The following CSMD1 variants were observed in gnomAD, a reference collection of about 807,000 sequenced individuals.
CSMD1 encodes the protein CUB and Sushi multiple domains 1.
CSMD1 carries 213 observed loss-of-function variants against 417.5 expected under a neutral mutation model. That is an observed-to-expected ratio of 0.51 (90% CI 0.46 to 0.57). CSMD1 has a LOEUF of 0.57. Ranked by LOEUF, CSMD1 falls within the 20% of genes least tolerant of loss-of-function variation. CSMD1 has a pLI of 0.00. For missense variants in CSMD1, 6,923 were observed against 4,529.7 expected, an observed-to-expected ratio of 1.53 and a Z score of -15.17; for synonymous variants, 2,862 against 1,736.8, an observed-to-expected ratio of 1.65 and a Z score of -16.11.
intron 1 of CSMD1, among the ~76,000 whole-genome samples, chr8:4,929,572 G>C (rs578233671): frequency 1.3e-5 from 2 of 152,176 alleles, no homozygotes; most frequent in Non-Finnish European, 2.9e-5. Flanking sequence ...AAAAAAGCTA[G>C]TCTCAAGGTG....
intron 3 of CSMD1, among the ~76,000 whole-genome samples, chr8:4,200,581 G>C (rs917696675): frequency 6.6e-6 from 1 of 152,118 alleles, no homozygotes; most frequent in Non-Finnish European, 1.5e-5. Context: ...ATCTTGGCGG[G>C]CCTGGAGGCT....
chr8:3,074,196 T>G (rs1463619142), intron 49 of CSMD1, among the ~76,000 whole-genome samples: 2 of 152,198 alleles, frequency 1.3e-5, no homozygotes, highest in African/African-American at 4.8e-5. Flanking sequence ...TCTGTGTCTT[T>G]CTTCATCTTC....
chr8:3,458,565 A>C (rs1816300693), intron 12 of CSMD1, among the ~76,000 whole-genome samples: 1 of 152,216 alleles, frequency 6.6e-6, no homozygotes, highest in Non-Finnish European at 1.5e-5. Context: ...TGTTTGTTTT[A>C]ATATCGTTTC....
chr8:4,747,682 C>G (rs1333261260), intron 1 of CSMD1, among the ~76,000 whole-genome samples: 3 of 152,116 alleles, frequency 2.0e-5, no homozygotes. Flanking sequence ...CCTTGTGGCA[C>G]AAGGCTTTTC....
chr8:3,602,512 A>G (rs922559223), intron 8 of CSMD1, among the ~76,000 whole-genome samples: 11 of 152,164 alleles, frequency 7.2e-5, no homozygotes, highest in African/African-American at 2.4e-4. Context: ...ACTCTTTTGC[A>G]TATCACTGAT....
chr8:4,066,874 A>T (rs1799278586), intron 3 of CSMD1, among the ~76,000 whole-genome samples: 1 of 152,228 alleles, frequency 6.6e-6, no homozygotes, highest in South Asian at 2.1e-4. Flanking sequence ...GATTTAACAC[A>T]GCCTCACAGA....
chr8:3,092,171 A>G (rs1396585965), intron 47 of CSMD1, among the ~76,000 whole-genome samples: 1 of 152,150 alleles, frequency 6.6e-6, no homozygotes, highest in Non-Finnish European at 1.5e-5. Context: ...CTCATGGCAA[A>G]TTTTAGATCA....
Position 3,178,573 on chromosome 8 carries a change from C to T in CSMD1, c.5725+2537G>A, listed in dbSNP as rs1319648171. On this transcript the variant is annotated intron_variant, in intron 37 of 69. Transcript: ENST00000635120. ...GCCTCTGCATGCCATCTGTTATTAA[C>T]AGTGTGGCTAGGACCCAGGAAGGCT... 2.6e-5 allele frequency among the ~76,000 whole-genome samples: 4 copies of T among 152,084 alleles called. 1 individual carries two copies. Among genetic ancestry groups the T allele is most frequent in the African/African-American group, 9.7e-5 (4 of 41,404 alleles).
At chr8:3,911,909 T>A (rs1207765509) in intron 5 of CSMD1, among the ~76,000 whole-genome samples, 2 of 152,230 alleles carry the variant, frequency 1.3e-5, no homozygotes, top group Non-Finnish European at 2.9e-5. Flanking sequence ...ACCATCATTT[T>A]CCAAAGGATT....
At chr8:4,427,530 C>G (rs1334175250) in intron 2 of CSMD1, among the ~76,000 whole-genome samples, 3 of 151,934 alleles carry the variant, frequency 2.0e-5, no homozygotes, top group Non-Finnish European at 4.4e-5. Context: ...CTCAAACACA[C>G]ACAGTGAATC....
At chr8:4,700,173 T>A (rs996084368) in intron 1 of CSMD1, among the ~76,000 whole-genome samples, 3 of 152,182 alleles carry the variant, frequency 2.0e-5, no homozygotes, top group African/African-American at 7.2e-5. Context: ...ATTCAGTTCA[T>A]GTTTATGAAA....
chr8:3,874,827 C>A (rs1444830232), intron 5 of CSMD1, among the ~76,000 whole-genome samples: 1 of 151,978 alleles, frequency 6.6e-6, no homozygotes, highest in Non-Finnish European at 1.5e-5. Context: ...AAGACGGGGT[C>A]AATTTCGGAG....
chr8:3,194,918 G>C (rs915568732), intron 33 of CSMD1, among the ~76,000 whole-genome samples: 3 of 152,064 alleles, frequency 2.0e-5, no homozygotes, highest in African/African-American at 7.2e-5. Flanking sequence ...TAGAGATGGT[G>C]ACCCGGAAAA....
intron 10 of CSMD1, among the ~76,000 whole-genome samples, chr8:3,536,405 G>C (rs1230498506): frequency 6.6e-6 from 1 of 152,202 alleles, no homozygotes; most frequent in South Asian, 2.1e-4. Flanking sequence ...TGCAACTGTA[G>C]AGGAAGAATG....
chr8:3,396,479 G>C (rs1356285620), intron 16 of CSMD1, 98 bp from the exon 17 acceptor site: 1 of 761,488 alleles, frequency 1.3e-6, no homozygotes, highest in East Asian at 2.8e-5. Context: ...ACCCATGTAC[G>C]TTAACATGAA....
intron 1 of CSMD1, among the ~76,000 whole-genome samples, chr8:4,991,984 C>T (rs1320043013): frequency 6.6e-6 from 1 of 152,198 alleles, no homozygotes; most frequent in African/African-American, 2.4e-5. Context: ...GGACCCCCTC[C>T]GCGCGCACAC....
At chr8:4,445,109 AG>A (rs1490008769) in intron 2 of CSMD1, among the ~76,000 whole-genome samples, 1 of 152,256 alleles carries the variant, frequency 6.6e-6, no homozygotes, top group Non-Finnish European at 1.5e-5. Flanking sequence ...CAACAAAAAA[AG>A]TATGACTGGA....
chr8:4,855,707 C>T (rs1280841045), intron 1 of CSMD1, among the ~76,000 whole-genome samples: 1 of 151,638 alleles, frequency 6.6e-6, no homozygotes, highest in Non-Finnish European at 1.5e-5. Flanking sequence ...GAAGGGAAGT[C>T]TAGAGAAAAA....
At chr8:3,438,105 T>G (rs1814695115) in intron 12 of CSMD1, among the ~76,000 whole-genome samples, 1 of 152,196 alleles carries the variant, frequency 6.6e-6, no homozygotes, top group African/African-American at 2.4e-5. Flanking sequence ...CTATTAAAAT[T>G]ATTTGAATAT....
Sources: allele counts gnomAD v4.1 joint callset (sites outside exome capture counted in the v4.1 genomes callset), GRCh38; gene constraint gnomAD v4.1.1; transcripts MANE v1.5; gene names NCBI Gene and HGNC (gene_info 2026-07-23, HGNC 2026-07-21).